ALDH18A1: variants seen among roughly 807,000 people sequenced by gnomAD.
ALDH18A1 encodes aldehyde dehydrogenase 18 family member A1.
ALDH18A1 carries 44 observed loss-of-function variants against 88.8 expected under a neutral mutation model. The observed-to-expected ratio is 0.50, with a 90% CI of 0.39 to 0.64. The LOEUF is 0.64. Among genes scored for constraint, ALDH18A1 ranks in the 30% least tolerant of loss-of-function variants. The pLI is 0.00. For synonymous variants in ALDH18A1, 331 were observed against 372.1 expected (o/e 0.89, Z 1.27); for missense variants, 782 against 1,009.5 (o/e 0.77, Z 3.05).
intron 7 of ALDH18A1, among the ~76,000 whole-genome samples, chr10:95,631,137 C>T (rs746192810): frequency 6.6e-6 from 1 of 152,086 alleles, no homozygotes; most frequent in Non-Finnish European, 1.5e-5. Flanking sequence ...ATGGGTCAGA[C>T]TGTGAAATGG....
At chr10:95,629,077 G>T (rs1294833660) in intron 7 of ALDH18A1, among the ~76,000 whole-genome samples, 1 of 152,200 alleles carries the variant, frequency 6.6e-6, no homozygotes, top group Non-Finnish European at 1.5e-5. Context: ...ACCATAAAGT[G>T]TATGTCCCTT....
intron 1 of ALDH18A1, among the ~76,000 whole-genome samples, chr10:95,654,475 G>C (rs1269630817): frequency 6.6e-6 from 1 of 152,024 alleles, no homozygotes; most frequent in Non-Finnish European, 1.5e-5. Context: ...CACAAGGTAA[G>C]AAAAATACTT....
At chr10:95,619,088 T>C (rs532264761) in intron 12 of ALDH18A1, among the ~76,000 whole-genome samples, 25 of 152,202 alleles carry the variant, frequency 1.6e-4, no homozygotes, top group African/African-American at 5.5e-4. Flanking sequence ...GTATTGAAAA[T>C]ATATTCTTCA....
Position 95,621,201 on chromosome 10 carries a change from A to G in ALDH18A1, c.1297T>C (p.Leu433=), listed in dbSNP as rs1211076940. The G allele has an allele frequency of 3.1e-6, 5 of 1,614,000 alleles. No individual in the cohort carries two copies. The African/African-American group carries it at 5.3e-5, about 17-fold the overall frequency. ...LKRLSLSTSK[L]NSLAIGLRQI... is the part of the protein sequence containing the mutation. Reference sequence around the variant, plus strand: ...CGCAGACCGATGGCCAGGCTGTTCAATTTGGATGTGGAGAGGCTTAAACGT... The same window carrying G: ...CGCAGACCGATGGCCAGGCTGTTCAGTTTGGATGTGGAGAGGCTTAAACGT... Residue 433 remains leucine, a synonymous_variant, in exon 12 of 18, where the codon TTG becomes CTG. Transcript: ENST00000371224.
In ALDH18A1 at chr10:95,625,467, G is replaced by A. The variant is rs775016180; in HGVS notation, c.1153-12C>T. 1 of 1,607,316 alleles carries A rather than the reference G, an allele frequency of 6.2e-7. No individual in the cohort carries two copies. Among genetic ancestry groups the A allele is most frequent in the South Asian group, 1.1e-5 (1 of 90,922 alleles). ...ATAATTTCTGCTCTCTAGAAGAAAG[G>A]TACACCATTAAAAAAACAGAGATGT... On this transcript the variant is annotated splice_polypyrimidine_tract_variant and intron_variant, in intron 10 of 17. Transcript: ENST00000371224.
At chr10:95,641,850 T>C (rs185916297) in intron 3 of ALDH18A1, among the ~76,000 whole-genome samples, 11 of 151,988 alleles carry the variant, frequency 7.2e-5, no homozygotes, top group Admixed American at 7.2e-4. Context: ...CTATGTGGCT[T>C]AGGCTGGTCT....
Position 95,606,823 on chromosome 10 carries a change from T to C in ALDH18A1, c.2327A>G (p.Glu776Gly). 1 of 1,614,200 alleles carries C rather than the reference T, an allele frequency of 6.2e-7. No homozygotes were observed. The highest frequency in any genetic ancestry group is 8.5e-7 in the Non-Finnish European group (1 of 1,180,024). The stretch of plus-strand genomic sequence containing the variant: ...ATGAAGATATTTTAAACTTCCATGC[T>C]CTGAGAAATCTGAGACCACGTGGTC... ...GKDHVVSDFS[E>G]HGSLKYLHEN... Residue 776 changes from glutamate to glycine, a missense_variant, in exon 18 of 18, where the codon GAG (glutamate) becomes GGG (glycine). Glu to Gly is a moderately conservative substitution (Grantham distance 98). Around this residue, in one of 3 missense-constraint regions of ALDH18A1, gnomAD observed 556 missense variants for 654.5 expected, o/e 0.85. Transcript: ENST00000371224.
intron 2 of ALDH18A1, among the ~76,000 whole-genome samples, chr10:95,645,175 T>G (rs559673857): frequency 6.6e-6 from 1 of 152,160 alleles, no homozygotes; most frequent in Non-Finnish European, 1.5e-5. Context: ...TCCTCCCTGA[T>G]AGCAAGAAGC....
chr10:95,622,398 C>T (rs187845815), intron 11 of ALDH18A1, among the ~76,000 whole-genome samples: 3 of 152,146 alleles, frequency 2.0e-5, no homozygotes, highest in Admixed American at 2.0e-4. Context: ...TAGGGGGTCT[C>T]ACTATGTTGC....
chr10:95,633,126 G>C, intron 6 of ALDH18A1, 77 bp from the exon 7 acceptor site: 1 of 1,377,366 alleles, frequency 7.3e-7, no homozygotes, highest in Non-Finnish European at 1.0e-6. Context: ...ACACAGCCAA[G>C]CTCAGGCAAA....
intron 2 of ALDH18A1, 82 bp downstream of exon 2, chr10:95,653,207 CT>C: frequency 7.6e-7 from 1 of 1,313,384 alleles, no homozygotes; most frequent in East Asian, 2.3e-5. Context: ...AAACAAACAT[CT>C]TTTTTCTCTT....
intron 2 of ALDH18A1, among the ~76,000 whole-genome samples, chr10:95,648,949 T>C (rs1419127175): frequency 6.6e-6 from 1 of 152,210 alleles, no homozygotes; most frequent in Non-Finnish European, 1.5e-5. Context: ...ACCCAGGAAC[T>C]GGTTCCAAAA....
intron 12 of ALDH18A1, among the ~76,000 whole-genome samples, chr10:95,620,007 C>T (rs918153318): frequency 6.6e-6 from 1 of 152,150 alleles, no homozygotes; most frequent in Non-Finnish European, 1.5e-5. Context: ...AGGCAACCTA[C>T]AGAATGGAGA....
chr10:95,651,038 C>T (rs1313295701), intron 2 of ALDH18A1, among the ~76,000 whole-genome samples: 1 of 152,020 alleles, frequency 6.6e-6, no homozygotes, highest in Non-Finnish European at 1.5e-5. Context: ...GGAACTGAGG[C>T]AGGAGAATCG....
intron 2 of ALDH18A1, among the ~76,000 whole-genome samples, chr10:95,651,047 C>T (rs755601455): frequency 1.3e-5 from 2 of 152,002 alleles, no homozygotes; most frequent in Non-Finnish European, 2.9e-5. Flanking sequence ...GCAGGAGAAT[C>T]GCTTGAACCC....
chr10:95,637,524 G>A lies in ALDH18A1; in HGVS notation c.304-88C>T, dbSNP rs1001108090. 3.2e-5 allele frequency: 48 copies of A among 1,497,862 alleles called. No homozygotes were observed. In the Admixed American group the frequency reaches 5.0e-4, roughly 16 times the overall value. 92.8% of individuals were successfully genotyped at this position (1,497,862 alleles called of 1,614,324 possible). A position where few individuals can be genotyped will look rare whatever the true frequency, so the allele number is the denominator to read the frequency against. On this transcript the variant is annotated intron_variant, in intron 3 of 17. Transcript: ENST00000371224. ...AGGGATGGAGGTAGGGTGGGCTATC[G>A]AGTAGATCCCAAATGCTGGTTTATG...
At chr10:95,647,028 A>G (rs2097902405) in intron 2 of ALDH18A1, among the ~76,000 whole-genome samples, 1 of 152,022 alleles carries the variant, frequency 6.6e-6, no homozygotes, top group African/African-American at 2.4e-5. Context: ...GTTTATCTCC[A>G]CAAGCGTTCT....
chr10:95,654,527 T>C (rs879454731), intron 1 of ALDH18A1, among the ~76,000 whole-genome samples: 2 of 152,130 alleles, frequency 1.3e-5, no homozygotes, highest in Middle Eastern at 3.4e-3. Flanking sequence ...TTTTGTTCCA[T>C]GGATTGGTGG....
chr10:95,632,896 T>C (rs2097873036), intron 7 of ALDH18A1, 63 bp downstream of exon 7: 1 of 1,366,542 alleles, frequency 7.3e-7, no homozygotes, highest in South Asian at 1.2e-5. Context: ...GGGAAACTCA[T>C]GTGCTCACAT....
Sources: gnomAD v4.1 joint callset for allele counts (sites outside exome capture counted in the v4.1 genomes callset) on GRCh38, gnomAD v4.1.1 for gene constraint, gnomAD v4.1.1 regional missense constraint, MANE v1.5 for transcripts, NCBI Gene and HGNC (gene_info 2026-07-23, HGNC 2026-07-21) for gene names.